The following TAB1 variants were observed in gnomAD, a reference collection of about 807,000 sequenced individuals.
TAB1 encodes the protein TGF-beta-activated kinase 1 and MAP3K7-binding protein 1.
Under a neutral mutation model 54.5 loss-of-function variants are expected in TAB1, and 30 were observed. The observed-to-expected ratio is 0.55, with a 90% CI of 0.41 to 0.75. The LOEUF is 0.75. Among genes scored for constraint, TAB1 ranks in the 30% least tolerant of loss-of-function variants. The pLI, the probability that TAB1 is intolerant of heterozygous loss-of-function variation, is 0.00. For synonymous variants in TAB1, 289 were observed against 286.9 expected (o/e 1.01, Z -0.07); for missense variants, 609 against 683.2 (o/e 0.89, Z 1.21).
chr22:39,433,817 C>T, downstream of TAB1: 3 of 985,430 alleles, frequency 3.0e-6, no homozygotes, highest in Non-Finnish European at 3.6e-6. Flanking sequence ...GGGCTAGTTC[C>T]TTCTTGTCCC....
At chr22:39,428,781 A>T (rs1330836301) in intron 10 of TAB1, among the ~76,000 whole-genome samples, 1 of 152,198 alleles carries the variant, frequency 6.6e-6, no homozygotes, top group Non-Finnish European at 1.5e-5. Flanking sequence ...TAGAGATGCC[A>T]CACCCAGCCC....
At chr22:39,421,253 A>G (rs1927077357) in intron 7 of TAB1, among the ~76,000 whole-genome samples, 2 of 151,468 alleles carry the variant, frequency 1.3e-5, no homozygotes, top group Non-Finnish European at 2.9e-5. Flanking sequence ...CTGTGTAATA[A>G]CCGCTCCCAG....
Position 39,421,986 on chromosome 22 carries a change from G to A in TAB1, c.921+15G>A. 1 of 1,518,766 alleles carries A rather than the reference G, an allele frequency of 6.6e-7. No homozygotes were observed. 94.1% of individuals were successfully genotyped at this position (1,518,766 alleles called of 1,614,324 possible). ...AGGCCAACCAGGTGAGTTGGGCCCA[G>A]CCACGCCCATGGCCGGAGAGCGTGG... On this transcript the variant is annotated intron_variant, in intron 8 of 10. Coordinates refer to ENST00000216160, the MANE Select transcript of TAB1 (RefSeq NM_006116.3).
chr22:39,426,705 G>A lies in TAB1; in HGVS notation c.924G>A (p.Glu308=). ...GTTCTTCCTACCCCCTCCCCCAGGA[G>A]ATTGCTGCGATGATTGACACTGAGT... The part of the protein sequence containing the change: ...AAHGPGQANQ[E]IAAMIDTEFA... The change falls in exon 9 of 11, where the codon GAG becomes GAA. Residue 308 remains glutamate, a splice_region_variant and synonymous_variant. Coordinates refer to ENST00000216160, the MANE Select transcript of TAB1 (RefSeq NM_006116.3). The A allele has an allele frequency of 1.3e-6, 2 of 1,597,486 alleles. No individual in the cohort carries two copies. The highest frequency in any genetic ancestry group is 1.1e-5 in the South Asian group (1 of 90,388).
At chr22:39,399,927 C>A in intron 1 of TAB1, 92 bp downstream of exon 1, 1 of 1,370,134 alleles carries the variant, frequency 7.3e-7, no homozygotes, top group Non-Finnish European at 1.0e-6. Flanking sequence ...CGAGTTTGGA[C>A]AGCCACCCTC....
intron 7 of TAB1, 66 bp downstream of exon 7, chr22:39,419,696 G>C: frequency 8.5e-7 from 1 of 1,176,320 alleles, no homozygotes; most frequent in East Asian, 2.5e-5. Flanking sequence ...GCCAAGATGG[G>C]AGGATTGATT....
At chr22:39,434,861 G>A (rs137870709), downstream of TAB1, among the ~76,000 whole-genome samples, 6 of 152,332 alleles carry the variant, frequency 3.9e-5, no homozygotes, top group East Asian at 9.6e-4. Context: ...TCCTGCACTC[G>A]GCATTTCAGT....
chr22:39,436,539 C>A, downstream of TAB1: 1 of 1,614,160 alleles, frequency 6.2e-7, no homozygotes, highest in Non-Finnish European at 8.5e-7. Flanking sequence ...TCAGTGCCAA[C>A]TAAACCTCCT....
At chr22:39,432,048 ACAGCCCCGGGGAAAC>A (rs200173320), downstream of TAB1, among the ~76,000 whole-genome samples, 859 of 152,090 alleles carry the variant, frequency 5.6e-3, 11 homozygotes, top group South Asian at 0.031. Context: ...TGCCGCCCCC[ACAGCCCCGGGGAAAC>A]ATGGCTTGCC....
downstream of TAB1, chr22:39,436,386 G>A (rs1246190934): frequency 1.3e-5 from 11 of 863,442 alleles, no homozygotes; most frequent in East Asian, 2.4e-5. Flanking sequence ...GTTGGTATCC[G>A]TGGCCTCAGA....
chr22:39,403,520 G>C (rs186350021), intron 1 of TAB1, among the ~76,000 whole-genome samples: 39 of 152,226 alleles, frequency 2.6e-4, no homozygotes, highest in Admixed American at 2.4e-3. Context: ...GGCCATGCTG[G>C]GCTTCACAGG....
chr22:39,433,022 G>T (rs1011528329), downstream of TAB1: 4 of 985,434 alleles, frequency 4.1e-6, no homozygotes, highest in Non-Finnish European at 4.8e-6. Context: ...CCCAGGTGGC[G>T]TCTGACACAA....
chr22:39,415,424 C>T lies in TAB1; in HGVS notation c.171-76C>T. 6 of 1,554,342 alleles carry T rather than the reference C, an allele frequency of 3.9e-6. No individual in the cohort carries two copies. The highest frequency in any genetic ancestry group is 5.3e-6 in the Non-Finnish European group (6 of 1,133,744). Reference sequence around the variant, plus strand: ...CAGCTGCTGTCGCTTTAGTCTCCCCCAATTCCTTTCCCTTTCTCCCTCCAC... The same window carrying T: ...CAGCTGCTGTCGCTTTAGTCTCCCCTAATTCCTTTCCCTTTCTCCCTCCAC... On this transcript the variant is annotated intron_variant, in intron 2 of 10. Transcript: ENST00000216160. The surrounding 1 kb of genome is among the most constrained non-coding windows in gnomAD (Gnocchi z 4.9).
At chr22:39,401,034 C>CAAAAAAAAAAAAA (rs566248298) in intron 1 of TAB1, among the ~76,000 whole-genome samples, 1 of 45,710 alleles carries the variant, frequency 2.2e-5, no homozygotes, top group African/African-American at 7.1e-5. Flanking sequence ...GACTGTGTCT[C>CAAAAAAAAAAAAA]AAAAAAAAAA....
downstream of TAB1, chr22:39,437,097 A>G (rs1326212233): frequency 6.6e-6 from 1 of 152,648 alleles, no homozygotes; most frequent in Non-Finnish European, 1.5e-5. Flanking sequence ...AGAAAGATAA[A>G]TATATTAATA....
intron 1 of TAB1, among the ~76,000 whole-genome samples, chr22:39,400,988 C>G (rs1458651550): frequency 7.3e-6 from 1 of 136,676 alleles, no homozygotes; most frequent in East Asian, 2.5e-4. Context: ...GAGCCAAGAT[C>G]GGGCCACTGC....
intron 1 of TAB1, among the ~76,000 whole-genome samples, chr22:39,412,795 C>G (rs1013524449): frequency 4.6e-5 from 7 of 151,714 alleles, no homozygotes; most frequent in African/African-American, 1.7e-4. Flanking sequence ...AGAAGTTGCA[C>G]ACAGTATCTG....
chr22:39,426,906 C>T lies in TAB1; in HGVS notation c.1125C>T (p.Pro375=). 6.2e-7 allele frequency: 1 copy of T among 1,611,964 alleles called. No homozygotes were observed. The part of the protein sequence containing the change: ...FGYPLGEMSQ[P]TPSPAPAAGG... ...ACCCGCTGGGCGAAATGAGCCAGCCCACACCGAGCCCAGCCCCAGGTACGT... is the reference window on the plus strand; with the variant it reads ...ACCCGCTGGGCGAAATGAGCCAGCCTACACCGAGCCCAGCCCCAGGTACGT... Residue 375 remains proline (P), a synonymous_variant, in exon 9 of 11, where the codon CCC becomes CCT. Coordinates refer to ENST00000216160, the MANE Select transcript of TAB1 (RefSeq NM_006116.3).
chr22:39,435,879 C>T (rs1284255073), downstream of TAB1, among the ~76,000 whole-genome samples: 2 of 152,196 alleles, frequency 1.3e-5, no homozygotes, highest in African/African-American at 4.8e-5. Context: ...TGACCTGGTG[C>T]TTCTGTAAGT....
Sources: allele counts gnomAD v4.1 joint callset (sites outside exome capture counted in the v4.1 genomes callset), GRCh38; gene constraint gnomAD v4.1.1; non-coding constraint Gnocchi (gnomAD v3.1); transcripts MANE v1.5; gene names NCBI Gene and HGNC (gene_info 2026-07-23, HGNC 2026-07-21).